ZNF407: variants seen among roughly 807,000 people sequenced by gnomAD.
The protein encoded by ZNF407 is zinc finger protein 407.
ZNF407 carries 17 observed loss-of-function variants against 131.2 expected under a neutral mutation model. That is an observed-to-expected ratio of 0.13 (90% CI 0.09 to 0.19). The LOEUF (loss-of-function observed/expected upper bound fraction) is 0.19. Ranked by LOEUF, ZNF407 falls within the 10% of genes least tolerant of loss-of-function variation. The probability of loss-of-function intolerance (pLI) is 1.00; values close to 1 mark genes in which losing one functional copy is unlikely to be tolerated. For synonymous variants in ZNF407, 1,156 were observed against 1,062.0 expected (o/e 1.09, Z -1.72); for missense variants, 2,681 against 2,830.6 (o/e 0.95, Z 1.20).
chr18:74,904,920 G>A (rs776182917), intron 7 of ZNF407, among the ~76,000 whole-genome samples: 37 of 152,200 alleles, frequency 2.4e-4, no homozygotes, highest in Non-Finnish European at 4.6e-4. Flanking sequence ...GAATAATGTG[G>A]AAAGCAAGAC....
chr18:74,964,885 T>G (rs1972392795), intron 8 of ZNF407, among the ~76,000 whole-genome samples: 1 of 152,208 alleles, frequency 6.6e-6, no homozygotes, highest in Non-Finnish European at 1.5e-5. Flanking sequence ...TCTGCTAAAA[T>G]TCAGAGCCTA....
intron 4 of ZNF407, among the ~76,000 whole-genome samples, chr18:74,867,884 A>C (rs1971035817): frequency 6.6e-6 from 1 of 152,194 alleles, no homozygotes; most frequent in Admixed American, 6.5e-5. Flanking sequence ...GGTTTTATTC[A>C]TAGCTTCCAT....
chr18:74,678,090 G>A (rs1966894749), intron 3 of ZNF407, among the ~76,000 whole-genome samples: 1 of 152,090 alleles, frequency 6.6e-6, no homozygotes, highest in Non-Finnish European at 1.5e-5. Context: ...CAAAGTGCTG[G>A]GATTACAGGC....
chr18:74,850,062 A>G (rs1205742993), intron 4 of ZNF407, among the ~76,000 whole-genome samples: 11 of 152,190 alleles, frequency 7.2e-5, no homozygotes, highest in Non-Finnish European at 1.5e-4. Context: ...GAATAGGTGA[A>G]TGGTACATTG....
chr18:74,863,121 A>G (rs1231520616), intron 4 of ZNF407, among the ~76,000 whole-genome samples: 1 of 151,544 alleles, frequency 6.6e-6, no homozygotes, highest in Non-Finnish European at 1.5e-5. Flanking sequence ...GGGTTTCACC[A>G]TGTTGACCAG....
intron 1 of ZNF407, among the ~76,000 whole-genome samples, chr18:74,604,527 A>G (rs1982715524): frequency 6.6e-6 from 1 of 152,208 alleles, no homozygotes; most frequent in South Asian, 2.1e-4. Flanking sequence ...AGCTGTGCAG[A>G]CACTGTCTTT....
intron 3 of ZNF407, among the ~76,000 whole-genome samples, chr18:74,780,296 AAAG>A (rs1337094492): frequency 2.0e-5 from 3 of 152,300 alleles, no homozygotes; most frequent in Admixed American, 1.3e-4. Context: ...CATGAAAAGA[AAAG>A]AAGCATGTTT....
intron 8 of ZNF407, among the ~76,000 whole-genome samples, chr18:75,051,224 G>C (rs998410897): frequency 1.3e-5 from 2 of 152,186 alleles, no homozygotes; most frequent in Non-Finnish European, 2.9e-5. Context: ...ACATATGTAA[G>C]TATCCAGTTG....
At chr18:74,773,989 C>T (rs1237572535) in intron 3 of ZNF407, among the ~76,000 whole-genome samples, 1 of 152,190 alleles carries the variant, frequency 6.6e-6, no homozygotes, top group Non-Finnish European at 1.5e-5. Context: ...GCCTGGAAGG[C>T]TGGTTGTACT....
rs114390246 is a variant in ZNF407, at chr18:74,705,097, G to T, written c.4802+63975G>T. 6.4e-3 allele frequency among the ~76,000 whole-genome samples: 970 copies of T among 152,216 alleles called. 7 individuals carry two copies. The highest frequency in any genetic ancestry group is 0.022 in the African/African-American group (907 of 41,544). ...CCTTGCTGAGTTTCTTCCACAGGAG[G>T]TTAATGGAGGATTGATAAATATAGA... On this transcript the variant is annotated intron_variant, in intron 3 of 8. Transcript: ENST00000299687.
intron 3 of ZNF407, among the ~76,000 whole-genome samples, chr18:74,757,783 T>C (rs1968997899): frequency 6.6e-6 from 1 of 152,160 alleles, no homozygotes. Flanking sequence ...TTCATTTCTA[T>C]AATTTGTTGT....
At chr18:75,047,477 A>G (rs988100524) in intron 8 of ZNF407, among the ~76,000 whole-genome samples, 5 of 152,178 alleles carry the variant, frequency 3.3e-5, no homozygotes, top group Non-Finnish European at 7.3e-5. Flanking sequence ...GGCCCAGCAT[A>G]CTGCAGTCAT....
chr18:75,048,232 G>C lies in ZNF407; in HGVS notation c.5429-14918G>C, dbSNP rs1212347542. ...CCCTTTTTGCTCTCAATGGTATTCT[G>C]ATTTCACTGATTAATTTCGTGGTCT... On this transcript the variant is annotated intron_variant, in intron 8 of 8. Transcript: ENST00000299687. The surrounding 1 kb of genome is among the most constrained non-coding windows in gnomAD (Gnocchi z 4.1). 6.6e-6 allele frequency among the ~76,000 whole-genome samples: 1 copy of C among 152,182 alleles called. No homozygotes were observed. The highest frequency in any genetic ancestry group is 1.9e-4 in the East Asian group (1 of 5,196).
chr18:74,606,706 G>C (rs1310014908), intron 1 of ZNF407, among the ~76,000 whole-genome samples: 3 of 152,158 alleles, frequency 2.0e-5, no homozygotes, highest in Admixed American at 2.0e-4. Context: ...AGTTTTCTTG[G>C]AATTTTTGGA....
intron 8 of ZNF407, among the ~76,000 whole-genome samples, chr18:75,013,330 A>G (rs539309870): frequency 1.1e-4 from 17 of 152,192 alleles, no homozygotes; most frequent in Non-Finnish European, 2.1e-4. Flanking sequence ...GTAGATCCGT[A>G]TTTATTAAGT....
chr18:74,616,308 C>T (rs1161161908), intron 1 of ZNF407, among the ~76,000 whole-genome samples: 2 of 152,110 alleles, frequency 1.3e-5, no homozygotes, highest in Admixed American at 6.5e-5. Context: ...CATAGCTGTA[C>T]TAGGAAAGGT....
intron 3 of ZNF407, among the ~76,000 whole-genome samples, chr18:74,701,143 C>T (rs1967484042): frequency 6.6e-6 from 1 of 152,108 alleles, no homozygotes; most frequent in African/African-American, 2.4e-5. Flanking sequence ...GGTGAAGGCT[C>T]GCCCAGGCTT....
intron 7 of ZNF407, among the ~76,000 whole-genome samples, chr18:74,892,915 G>A (rs768186319): frequency 9.9e-5 from 15 of 152,100 alleles, no homozygotes; most frequent in Admixed American, 1.3e-4. Flanking sequence ...CTAGAAGCAC[G>A]ATTTAAGGCT....
intron 5 of ZNF407, among the ~76,000 whole-genome samples, chr18:74,879,894 A>G (rs1397802972): frequency 6.6e-6 from 1 of 152,186 alleles, no homozygotes; most frequent in Admixed American, 6.5e-5. Context: ...TCCTATATGT[A>G]CTATTTATTA....
Sources: gnomAD v4.1 joint callset for allele counts (sites outside exome capture counted in the v4.1 genomes callset) on GRCh38, gnomAD v4.1.1 for gene constraint, Gnocchi (gnomAD v3.1) non-coding constraint, MANE v1.5 for transcripts, NCBI Gene and HGNC (gene_info 2026-07-23, HGNC 2026-07-21) for gene names.